UTP20: variants seen among roughly 807,000 people sequenced by gnomAD.
UTP20 encodes small subunit processome component 20 homolog.
Under a neutral mutation model 329.5 loss-of-function variants are expected in UTP20, and 164 were observed. The observed-to-expected ratio is 0.50, with a 90% confidence interval of 0.44 to 0.57. The LOEUF (loss-of-function observed/expected upper bound fraction) is 0.57. Among genes scored for constraint, UTP20 ranks in the 20% least tolerant of loss-of-function variants. The pLI is 0.00. For synonymous variants in UTP20, 1,151 were observed against 1,159.3 expected (o/e 0.99, Z 0.14); for missense variants, 3,055 against 3,284.2 (o/e 0.93, Z 1.71).
chr12:101,367,020 C>A lies in UTP20; in HGVS notation c.6267+321C>A, dbSNP rs534979245. 2.0e-5 allele frequency among the ~76,000 whole-genome samples: 3 copies of A among 152,096 alleles called. No individual in the cohort carries two copies. In the South Asian group the frequency reaches 6.2e-4, roughly 32 times the overall value. On this transcript the variant is annotated intron_variant, in intron 47 of 61. Coordinates refer to ENST00000261637, the MANE Select transcript of UTP20 (RefSeq NM_014503.3). ...AGTGGCCAGACATGGTGGCTCACAC[C>A]CATAATCCCAGCACTTTGGGAGGCT...
chr12:101,363,791 GA>G, intron 45 of UTP20, 48 bp downstream of exon 45: 1 of 1,301,030 alleles, frequency 7.7e-7, no homozygotes, highest in Non-Finnish European at 1.1e-6. Context: ...ACAATCTCAT[GA>G]GTTCCTAAAA....
At chr12:101,369,167 A>T (rs143318602) in intron 48 of UTP20, among the ~76,000 whole-genome samples, 1 of 152,358 alleles carries the variant, frequency 6.6e-6, no homozygotes, top group East Asian at 1.9e-4. Context: ...TACCCAGTAG[A>T]GTGCCTTGTA....
intron 38 of UTP20, among the ~76,000 whole-genome samples, 197 bp from the exon 39 acceptor site, chr12:101,351,858 C>T (rs796637903): frequency 6.6e-5 from 10 of 152,240 alleles, no homozygotes; most frequent in African/African-American, 2.2e-4. Context: ...ATGTTAATAG[C>T]CTTTAAAGAA....
In UTP20 at chr12:101,379,496, A is replaced by T; in HGVS notation, c.7522A>T (p.Thr2508Ser). Reference sequence around the variant, plus strand: ...TATTCAAAAATGGAATACCAAAAAGACCAAAAAACACCTCCCAGAACCTGT... The same window carrying T: ...TATTCAAAAATGGAATACCAAAAAGTCCAAAAAACACCTCCCAGAACCTGT... ...ELIQKWNTKK[T>S]KKHLPEPVAI... Residue 2508 changes from threonine (T) to serine (S), a missense_variant, in exon 57 of 62, where the codon ACC becomes TCC. By Grantham distance (58) the Thr-to-Ser change is moderately conservative. Around this residue, in one of 3 missense-constraint regions of UTP20, gnomAD observed 337 missense variants for 345.5 expected, o/e 0.98. Transcript: ENST00000261637. The T allele has an allele frequency of 6.2e-7, 1 of 1,614,176 alleles. No individual in the cohort carries two copies. The highest frequency in any genetic ancestry group is 8.5e-7 in the Non-Finnish European group (1 of 1,180,008).
chr12:101,292,156 T>C, intron 10 of UTP20, 52 bp downstream of exon 10: 1 of 1,573,372 alleles, frequency 6.4e-7, no homozygotes. Flanking sequence ...TGTTTAGCAT[T>C]GAGTAACCTT....
intron 18 of UTP20, 32 bp downstream of exon 18, chr12:101,308,375 T>C (rs1872693338): frequency 7.3e-7 from 1 of 1,378,812 alleles, no homozygotes; most frequent in Non-Finnish European, 9.4e-7. Flanking sequence ...TTTTCCTTTT[T>C]AATTCATGCT....
chr12:101,319,746 C>A, intron 23 of UTP20, 111 bp downstream of exon 23: 2 of 808,024 alleles, frequency 2.5e-6, no homozygotes, highest in Non-Finnish European at 3.8e-6. Context: ...CCCATGTCTA[C>A]ATTTTAAGTA....
At chr12:101,295,750 T>C (rs1872326178) in intron 12 of UTP20, 92 bp downstream of exon 12, 2 of 1,326,262 alleles carry the variant, frequency 1.5e-6, no homozygotes, top group South Asian at 3.2e-5. Flanking sequence ...GATCTATATG[T>C]AACAGGAAAG....
Position 101,327,252 on chromosome 12 carries a change from C to T in UTP20, c.3208+5C>T. On this transcript the variant is annotated splice_donor_5th_base_variant and intron_variant, in intron 26 of 61. Transcript: ENST00000261637. Reference sequence around the variant, plus strand: ...CTGTGAGGCATTTCAAGAATGGTAACTATCAGCTACCTCTCACTCTAATAC... The same window carrying T: ...CTGTGAGGCATTTCAAGAATGGTAATTATCAGCTACCTCTCACTCTAATAC... The T allele has an allele frequency of 1.3e-6, 2 of 1,585,302 alleles. No homozygotes were observed. The highest frequency in any genetic ancestry group is 1.7e-6 in the Non-Finnish European group (2 of 1,157,974).
At chr12:101,346,067 T>C (rs2120948250) in intron 37 of UTP20, among the ~76,000 whole-genome samples, 1 of 152,302 alleles carries the variant, frequency 6.6e-6, no homozygotes, top group South Asian at 2.1e-4. Context: ...CTTTTTTTTT[T>C]TGAGATGGAG....
Position 101,371,112 on chromosome 12 carries a change from G to A in UTP20, c.6742G>A (p.Val2248Ile), listed in dbSNP as rs1458054936. Residue 2248 changes from valine (V) to isoleucine (I), a missense_variant, in exon 51 of 62, where the codon GTA becomes ATA. Physicochemically the swap from Val to Ile is conservative, Grantham distance 29 (BLOSUM62 3). Transcript: ENST00000261637. The stretch of plus-strand genomic sequence containing the variant: ...AGAAATCGATGAGGTCATGCGGAAA[G>A]TATCCAAGTTGGCAGTCTCTGCACA... ...VPEIDEVMRK[V>I]SKLAVSAQSE... 1 of 1,614,172 alleles carries A rather than the reference G, an allele frequency of 6.2e-7. No homozygotes were observed. The highest frequency in any genetic ancestry group is 1.7e-5 in the Admixed American group (1 of 60,014).
chr12:101,326,889 C>A (rs979790910), intron 25 of UTP20, 192 bp from the exon 26 acceptor site: 13 of 567,116 alleles, frequency 2.3e-5, no homozygotes, highest in Non-Finnish European at 3.2e-5. Flanking sequence ...GCACCCAGCT[C>A]TCTTAGCCTT....
At chr12:101,315,688 T>G (rs1872951015) in intron 21 of UTP20, among the ~76,000 whole-genome samples, 2 of 152,230 alleles carry the variant, frequency 1.3e-5, no homozygotes. Context: ...AAGAATGATG[T>G]TTAGCTTTTT....
In UTP20 at chr12:101,306,044, C is replaced by T. The variant is rs758027281; in HGVS notation, c.1911C>T (p.Asn637=). 1 of 1,612,994 alleles carries T rather than the reference C, an allele frequency of 6.2e-7. No individual in the cohort carries two copies. Among genetic ancestry groups the T allele is most frequent in the Admixed American group, 1.7e-5 (1 of 59,916 alleles). The change falls in exon 16 of 62, where the codon AAC becomes AAT. Residue 637 remains asparagine (N), a synonymous_variant. Coordinates refer to ENST00000261637, the MANE Select transcript of UTP20 (RefSeq NM_014503.3). The stretch of plus-strand genomic sequence containing the variant: ...AATTATTTCCCAAGTTACAAGCAAA[C>T]ATTTCAACTGGTGTATCCAAGGTAA... ...LMELFPKLQA[N]ISTGVSKIRL... is the part of the protein sequence containing the mutation.
intron 44 of UTP20, among the ~76,000 whole-genome samples, chr12:101,362,357 T>C (rs1307486583): frequency 6.6e-6 from 1 of 152,202 alleles, no homozygotes; most frequent in Non-Finnish European, 1.5e-5. Flanking sequence ...TTTTAAGAAA[T>C]AAGTTATGTT....
Position 101,383,238 on chromosome 12 carries a change from G to A in UTP20, c.7854G>A (p.Thr2618=), listed in dbSNP as rs776605089. The change falls in exon 59 of 62, where the codon ACG becomes ACA. Residue 2618 remains threonine (T), a synonymous_variant. Coordinates refer to ENST00000261637, the MANE Select transcript of UTP20 (RefSeq NM_014503.3). ...EVKEELGRPA[T]LLWLIQKLSR... ...AGGAAGAGCTCGGCAGGCCGGCCAC[G>A]CTGCTGTGGTTGATCCAGAAGCTGT... 6.2e-6 allele frequency: 10 copies of A among 1,614,078 alleles called. No individual in the cohort carries two copies. The highest frequency in any genetic ancestry group is 3.3e-5 in the Admixed American group (2 of 59,998).
chr12:101,341,674 A>AG (rs931178622), intron 32 of UTP20, among the ~76,000 whole-genome samples: 6 of 152,196 alleles, frequency 3.9e-5, no homozygotes, highest in African/African-American at 1.4e-4. Context: ...TGGGAGGCCA[A>AG]GGCAGGCAGA....
At chr12:101,313,454 G>A (rs541197296) in intron 21 of UTP20, among the ~76,000 whole-genome samples, 21 of 152,214 alleles carry the variant, frequency 1.4e-4, no homozygotes, top group African/African-American at 5.1e-4. Flanking sequence ...TAAGCAGAAG[G>A]CTGACCTGAC....
At chr12:101,336,997 G>A (rs1868955300) in intron 29 of UTP20, among the ~76,000 whole-genome samples, 1 of 152,150 alleles carries the variant, frequency 6.6e-6, no homozygotes, top group Non-Finnish European at 1.5e-5. Context: ...AAAATTTTAA[G>A]ACAACAAAAC....
Sources: gnomAD v4.1 joint callset for allele counts (sites outside exome capture counted in the v4.1 genomes callset) on GRCh38, gnomAD v4.1.1 for gene constraint, gnomAD v4.1.1 regional missense constraint, MANE v1.5 for transcripts, NCBI Gene and HGNC (gene_info 2026-07-23, HGNC 2026-07-21) for gene names.